Variants in EPHA6 observed in about 807,000 individuals in gnomAD.
EPHA6 encodes the protein EPH receptor A6.
In EPHA6, 50 loss-of-function variants were observed where a neutral mutation model predicts 112.0. The observed-to-expected ratio is 0.45, with a 90% CI of 0.36 to 0.56. The LOEUF (loss-of-function observed/expected upper bound fraction) is 0.56, where lower values mean the gene tolerates loss of function less well. EPHA6 is among the 20% of genes least tolerant of loss of function. The pLI is 0.00. For synonymous variants in EPHA6, 529 were observed against 490.7 expected (o/e 1.08, Z -1.03); for missense variants, 1,280 against 1,417.4 (o/e 0.90, Z 1.56).
chr3:97,264,795 T>A (rs1377793899), intron 5 of EPHA6, among the ~76,000 whole-genome samples: 1 of 152,148 alleles, frequency 6.6e-6, no homozygotes, highest in African/African-American at 2.4e-5. Context: ...GCTCCCTCCA[T>A]AACCAGGGTG....
chr3:97,041,373 G>A (rs115099766), intron 3 of EPHA6, among the ~76,000 whole-genome samples: 308 of 152,094 alleles, frequency 2.0e-3, no homozygotes, highest in Non-Finnish European at 3.6e-3. Context: ...CTGAAAATTT[G>A]GGGTCTATTG....
rs73133045 is a variant in EPHA6 at position 97,310,485 on chromosome 3, G to C, written c.1606+66198G>C. 5.2e-3 allele frequency among the ~76,000 whole-genome samples: 782 copies of C among 151,496 alleles called. 8 individuals are homozygous for C. The highest frequency in any genetic ancestry group is 4.8e-3 in the Non-Finnish European group (327 of 67,638). The stretch of plus-strand genomic sequence containing the variant: ...ATTGATTTTCACCTGTGGGGTATTT[G>C]AGAACAACATGTATGATTTTGATCT... On this transcript the variant is annotated intron_variant, in intron 5 of 17. Coordinates refer to ENST00000389672, the MANE Select transcript of EPHA6 (RefSeq NM_001080448.3).
intron 14 of EPHA6, among the ~76,000 whole-genome samples, chr3:97,717,802 G>T (rs1401824139): frequency 6.6e-6 from 1 of 152,016 alleles, no homozygotes; most frequent in Non-Finnish European, 1.5e-5. Context: ...AAATAAAACC[G>T]TATGAAGGAA....
intron 10 of EPHA6, among the ~76,000 whole-genome samples, chr3:97,495,504 T>C (rs1326666610): frequency 1.3e-5 from 2 of 152,092 alleles, no homozygotes. Context: ...TTTACATCTC[T>C]ATACAAACAT....
At chr3:97,009,937 G>T in intron 3 of EPHA6, 1 of 504,654 alleles carries the variant, frequency 2.0e-6, no homozygotes, top group Non-Finnish European at 3.6e-6. Context: ...TTTGATGAGA[G>T]AACCTGGTTA....
At chr3:97,145,902 A>G (rs1177183919) in intron 3 of EPHA6, among the ~76,000 whole-genome samples, 1 of 151,618 alleles carries the variant, frequency 6.6e-6, no homozygotes, top group Non-Finnish European at 1.5e-5. Context: ...TCTTGTCGCC[A>G]AAGTATCTAG....
chr3:97,405,284 A>T lies in EPHA6; in HGVS notation c.1731+10A>T, dbSNP rs778210377. 3 of 1,609,376 alleles carry T rather than the reference A, an allele frequency of 1.9e-6. No individual in the cohort carries two copies. The South Asian group carries it at 3.3e-5, about 18-fold the overall frequency. ...CAAGTACTATGAGAAAGTAGGTCTT[A>T]TTTGGAGCTTCCTATAAAACTACAT... On this transcript the variant is annotated intron_variant, in intron 6 of 17. Coordinates refer to ENST00000389672, the MANE Select transcript of EPHA6 (RefSeq NM_001080448.3).
chr3:96,945,588 T>C (rs2041213172), intron 2 of EPHA6, among the ~76,000 whole-genome samples: 1 of 152,236 alleles, frequency 6.6e-6, no homozygotes, highest in Non-Finnish European at 1.5e-5. Flanking sequence ...ATCTGTAAAA[T>C]AACTCGATAT....
At chr3:96,961,686 A>G (rs577802833) in intron 2 of EPHA6, among the ~76,000 whole-genome samples, 53 of 152,296 alleles carry the variant, frequency 3.5e-4, no homozygotes, top group African/African-American at 1.1e-3. Flanking sequence ...AATGTTGGCA[A>G]TTGAGATACT....
At chr3:97,538,981 CTCTTTCTTTCTTTCTTTCTTTCTT>C (rs796705721) in intron 11 of EPHA6, among the ~76,000 whole-genome samples, 12 of 130,238 alleles carry the variant, frequency 9.2e-5, no homozygotes, top group African/African-American at 2.7e-4. Flanking sequence ...CACTTTCTCT[CTCTTTCTTTCTTTCTTTCTTTCTT>C]TCTTTCTTTC....
intron 5 of EPHA6, among the ~76,000 whole-genome samples, chr3:97,291,486 A>C (rs920664976): frequency 6.6e-6 from 1 of 152,034 alleles, no homozygotes; most frequent in Non-Finnish European, 1.5e-5. Context: ...AGCCAACTTG[A>C]TATTTGTTTA....
chr3:97,131,205 A>T (rs2048327937), intron 3 of EPHA6, among the ~76,000 whole-genome samples: 1 of 152,126 alleles, frequency 6.6e-6, no homozygotes, highest in Admixed American at 6.5e-5. Context: ...AGAAGTCTAC[A>T]TTATATGAAT....
intron 5 of EPHA6, among the ~76,000 whole-genome samples, chr3:97,326,108 A>G (rs1488196385): frequency 6.6e-6 from 1 of 152,066 alleles, no homozygotes; most frequent in Non-Finnish European, 1.5e-5. Context: ...TGAAATACTG[A>G]AAGTTATATT....
chr3:97,736,160 T>C (rs767183489), intron 16 of EPHA6, 42 bp downstream of exon 16: 3 of 1,539,806 alleles, frequency 1.9e-6, no homozygotes, highest in Non-Finnish European at 2.7e-6. Flanking sequence ...TTGACAATTA[T>C]GGTTTCTTTC....
chr3:97,351,527 T>C (rs974031783), intron 5 of EPHA6, among the ~76,000 whole-genome samples: 1 of 152,238 alleles, frequency 6.6e-6, no homozygotes, highest in African/African-American at 2.4e-5. Context: ...AATTTTTGTA[T>C]GTTGTACGGC....
intron 5 of EPHA6, among the ~76,000 whole-genome samples, chr3:97,252,257 G>C (rs549966824): frequency 6.6e-6 from 1 of 152,156 alleles, no homozygotes; most frequent in African/African-American, 2.4e-5. Context: ...GACACTCCCA[G>C]GTTCCCAGGG....
intron 10 of EPHA6, among the ~76,000 whole-genome samples, chr3:97,529,493 C>T (rs1482337893): frequency 1.3e-5 from 2 of 152,060 alleles, no homozygotes; most frequent in South Asian, 2.1e-4. Context: ...TATGTACTAA[C>T]CAGTATATAT....
intron 3 of EPHA6, among the ~76,000 whole-genome samples, chr3:97,124,395 T>C (rs1272685244): frequency 6.6e-6 from 1 of 151,380 alleles, no homozygotes; most frequent in Non-Finnish European, 1.5e-5. Context: ...AAATATAGAG[T>C]TGTGATCAAT....
chr3:97,733,837 T>A (rs147334860), intron 15 of EPHA6, among the ~76,000 whole-genome samples: 1 of 152,004 alleles, frequency 6.6e-6, no homozygotes, highest in South Asian at 2.1e-4. Context: ...AAATAGCAGA[T>A]GCCATGACAA....
Sources: gnomAD v4.1 joint callset for allele counts (sites outside exome capture counted in the v4.1 genomes callset) on GRCh38, gnomAD v4.1.1 for gene constraint, MANE v1.5 for transcripts, NCBI Gene and HGNC (gene_info 2026-07-23, HGNC 2026-07-21) for gene names.